LPL: variants seen among roughly 807,000 people sequenced by gnomAD.
The protein encoded by LPL is lipoprotein lipase, also known as phospholipase A1.
In LPL, 43 loss-of-function variants were observed where a neutral mutation model predicts 52.2. The observed-to-expected ratio is 0.82, with a 90% CI of 0.64 to 1.06. The LOEUF (loss-of-function observed/expected upper bound fraction) is 1.06. LPL is among the 50% of genes least tolerant of loss of function. The pLI, the probability that LPL is intolerant of heterozygous loss-of-function variation, is 0.00. For missense variants in LPL, 639 were observed against 585.3 expected (o/e 1.09, Z -0.95); for synonymous variants, 244 against 215.6 (o/e 1.13, Z -1.15).
chr8:19,957,058 A>C (rs2069992169), intron 6 of LPL, among the ~76,000 whole-genome samples: 1 of 152,152 alleles, frequency 6.6e-6, no homozygotes, highest in South Asian at 2.1e-4. Flanking sequence ...TGCTGACCTC[A>C]GGTGATCTGC....
chr8:19,955,065 TCTC>T (rs1359473495), intron 5 of LPL, among the ~76,000 whole-genome samples: 1 of 152,192 alleles, frequency 6.6e-6, no homozygotes, highest in Non-Finnish European at 1.5e-5. Flanking sequence ...CCTAGGATAT[TCTC>T]GTTATTTTTG....
chr8:19,965,164 A>G (rs1451025137), intron 9 of LPL, 146 bp from the exon 10 acceptor site: 1 of 656,256 alleles, frequency 1.5e-6, no homozygotes, highest in Admixed American at 2.3e-5. Context: ...TCCATTATAC[A>G]CATCTCCCCT....
chr8:19,951,745 G>C (rs746863316), intron 2 of LPL, 24 bp from the exon 3 acceptor site: 55 of 1,613,876 alleles, frequency 3.4e-5, no homozygotes, highest in Non-Finnish European at 4.4e-5. Flanking sequence ...GGTATTTTAA[G>C]AAAGCTTGTG....
chr8:19,959,366 C>T lies in LPL; in HGVS notation c.1125C>T (p.Asn375=), dbSNP rs2070016748. 6.2e-7 allele frequency: 1 copy of T among 1,614,114 alleles called. No homozygotes were observed. The highest frequency in any genetic ancestry group is 8.5e-7 in the Non-Finnish European group (1 of 1,180,016). The change falls in exon 7 of 10, where the codon AAC becomes AAT. Residue 375 remains asparagine, a synonymous_variant. Coordinates refer to ENST00000650287, the MANE Select transcript of LPL (RefSeq NM_000237.3). Reference sequence around the variant, plus strand: ...ATGGCACCGTGGCCGAGAGTGAGAACATCCCATTCACTCTGTGAGTAGCAC... The same window carrying T: ...ATGGCACCGTGGCCGAGAGTGAGAATATCCCATTCACTCTGTGAGTAGCAC... ...SLYGTVAESE[N]IPFTLPEVST...
rs1335599802 is a variant in LPL, at chr8:19,944,037, A to C, written c.89-4143A>C. Among the ~76,000 whole-genome samples, 2 of 152,008 alleles carry C rather than the reference A, an allele frequency of 1.3e-5. No individual in the cohort carries two copies. The highest frequency in any genetic ancestry group is 2.9e-5 in the Non-Finnish European group (2 of 67,988). ...CCCCATCTCTACTAAAAATACAAAA[A>C]TTAGCCAGGCGTGGTGGCAGGCACC... is the stretch of plus-strand genomic sequence containing the variant. On this transcript the variant is annotated intron_variant, in intron 1 of 9. Transcript: ENST00000650287. The surrounding 1 kb of genome is among the most constrained non-coding windows in gnomAD (Gnocchi z 4.2).
At chr8:19,962,999 G>T (rs1004484393) in intron 9 of LPL, among the ~76,000 whole-genome samples, 2 of 152,156 alleles carry the variant, frequency 1.3e-5, no homozygotes, top group Non-Finnish European at 1.5e-5. Context: ...GTGCTAATGG[G>T]TTACAGGAAC....
At position 19,939,397 on chromosome 8, in the gene LPL, G is replaced by A. The variant is rs1355740441; in HGVS notation, c.-44G>A. ...AGCCTCCGGCTCAGCCGGCTCATCA[G>A]TCGGTCCGCGCCTTGCAGCTCCTCC... On this transcript the variant is annotated 5_prime_UTR_variant, in exon 1 of 10. Coordinates refer to ENST00000650287, the MANE Select transcript of LPL (RefSeq NM_000237.3). The surrounding 1 kb of genome is among the most constrained non-coding windows in gnomAD (Gnocchi z 4.0). The A allele has an allele frequency of 6.4e-7, 1 of 1,561,108 alleles. No homozygotes were observed. The highest frequency in any genetic ancestry group is 8.7e-7 in the Non-Finnish European group (1 of 1,151,166).
In LPL at chr8:19,954,214, C is replaced by G; in HGVS notation, c.636C>G (p.Phe212Leu). 6.2e-7 allele frequency: 1 copy of G among 1,613,940 alleles called. No individual in the cohort carries two copies. Among genetic ancestry groups the G allele is most frequent in the Non-Finnish European group, 8.5e-7 (1 of 1,179,970 alleles). Residue 212 changes from phenylalanine (F) to leucine (L), a missense_variant, in exon 5 of 10, where the codon TTC becomes TTG. Physicochemically the swap from Phe to Leu is conservative, Grantham distance 22. Coordinates refer to ENST00000650287, the MANE Select transcript of LPL (RefSeq NM_000237.3). ...ATTTTGTAGACGTCTTACACACATT[C>G]ACCAGAGGGTCCCCTGGTCGAAGCA... The part of the protein sequence containing the change: ...DADFVDVLHT[F>L]TRGSPGRSIG...
chr8:19,954,381 T>C, intron 5 of LPL, 28 bp downstream of exon 5: 1 of 1,594,160 alleles, frequency 6.3e-7, no homozygotes. Context: ...GCGAATTAAA[T>C]GTGACTCTTA....
intron 9 of LPL, among the ~76,000 whole-genome samples, chr8:19,964,917 G>C (rs558840096): frequency 1.3e-5 from 2 of 152,028 alleles, no homozygotes; most frequent in East Asian, 3.9e-4. Context: ...TTTCTTCTGT[G>C]ATTAAAATCA....
rs377128614 is a variant in LPL at position 19,954,329 on chromosome 8, G to T, written c.751G>T (p.Val251Leu). 6.2e-7 allele frequency: 1 copy of T among 1,613,994 alleles called. No individual in the cohort carries two copies. Among genetic ancestry groups the T allele is most frequent in the Non-Finnish European group, 8.5e-7 (1 of 1,179,972 alleles). ...PGCNIGEAIRVIAERGLGDVD... is the reference protein window; with the variant it reads ...PGCNIGEAIRLIAERGLGDVD... ...ATGTAACATTGGAGAAGCTATCCGC[G>T]TGATTGCAGAGAGAGGACTTGGAGG... The change falls in exon 5 of 10, where the codon GTG (valine) becomes TTG (leucine). Residue 251 changes from valine (V) to leucine (L), a missense_variant. Val to Leu is a conservative substitution (Grantham distance 32). Coordinates refer to ENST00000650287, the MANE Select transcript of LPL (RefSeq NM_000237.3).
chr8:19,960,793 AT>A, intron 7 of LPL, 107 bp from the exon 8 acceptor site: 1 of 788,182 alleles, frequency 1.3e-6, no homozygotes, highest in Non-Finnish European at 2.2e-6. Flanking sequence ...CATTTTTAAA[AT>A]ATCCCCTAAA....
At chr8:19,961,137 C>G in intron 8 of LPL, 54 bp downstream of exon 8, 1 of 1,534,200 alleles carries the variant, frequency 6.5e-7, no homozygotes, top group South Asian at 1.1e-5. Context: ...GATGTCAGGA[C>G]CTAGGGGCTG....
At chr8:19,954,528 C>T (rs2069965943) in intron 5 of LPL, among the ~76,000 whole-genome samples, 175 bp downstream of exon 5, 1 of 152,134 alleles carries the variant, frequency 6.6e-6, no homozygotes, top group African/African-American at 2.4e-5. Flanking sequence ...GGCAGACAGC[C>T]ATTTTATCTT....
chr8:19,939,348 C>T lies in LPL; in HGVS notation c.-93C>T. The T allele has an allele frequency of 7.8e-7, 1 of 1,286,664 alleles. No individual in the cohort carries two copies. Among genetic ancestry groups the T allele is most frequent in the South Asian group, 1.3e-5 (1 of 78,706 alleles). The allele number at this position is 1,286,664 out of a possible 1,614,324, so 79.7% of individuals were successfully genotyped here. A position where few individuals can be genotyped will look rare whatever the true frequency, so the allele number is the denominator to read the frequency against. Reference sequence around the variant, plus strand: ...CTTTAAAGGGCGACTTGCTCAGCGCCAAACCGCGGCTCCAGCCCTCTCCAG... The same window carrying T: ...CTTTAAAGGGCGACTTGCTCAGCGCTAAACCGCGGCTCCAGCCCTCTCCAG... On this transcript the variant is annotated 5_prime_UTR_variant, in exon 1 of 10. Transcript: ENST00000650287. The surrounding 1 kb of genome is among the most constrained non-coding windows in gnomAD (Gnocchi z 4.0).
In LPL at chr8:19,965,485, TA is replaced by T; in HGVS notation, c.*180del. The T allele has an allele frequency of 1.7e-6, 1 of 581,078 alleles. No individual in the cohort carries two copies. The highest frequency in any genetic ancestry group is 3.1e-6 in the Non-Finnish European group (1 of 324,812). 36.0% of individuals were successfully genotyped at this position (581,078 alleles called of 1,614,324 possible). ...TATTTTAGGAGACAGTCTCAAGCAC[TA>T]AAAAGTGGCTAATTCAATTTATGGG... On this transcript the variant is annotated 3_prime_UTR_variant, in exon 10 of 10. Coordinates refer to ENST00000650287, the MANE Select transcript of LPL (RefSeq NM_000237.3).
chr8:19,963,306 C>T (rs2070056231), intron 9 of LPL, among the ~76,000 whole-genome samples: 1 of 152,030 alleles, frequency 6.6e-6, no homozygotes, highest in Non-Finnish European at 1.5e-5. Flanking sequence ...TGTGGCGGCA[C>T]ATGCCTGTAA....
intron 1 of LPL, 137 bp from the exon 2 acceptor site, chr8:19,948,043 C>T: frequency 1.2e-6 from 1 of 834,062 alleles, no homozygotes; most frequent in African/African-American, 1.7e-5. Flanking sequence ...CTCTTGCAAT[C>T]CACATTCGTT....
chr8:19,962,286 C>T, intron 9 of LPL, 67 bp downstream of exon 9: 2 of 1,148,522 alleles, frequency 1.7e-6, no homozygotes, highest in Non-Finnish European at 2.6e-6. Flanking sequence ...CAGCTTCATG[C>T]ATTCCTCTTC....
Sources: gnomAD v4.1 joint callset for allele counts (sites outside exome capture counted in the v4.1 genomes callset) on GRCh38, gnomAD v4.1.1 for gene constraint, Gnocchi (gnomAD v3.1) non-coding constraint, MANE v1.5 for transcripts, NCBI Gene and HGNC (gene_info 2026-07-23, HGNC 2026-07-21) for gene names.